Variants in SLC5A4 observed in about 807,000 individuals in gnomAD.
SLC5A4 encodes the protein probable glucose sensor protein SLC5A4.
In SLC5A4, 55 loss-of-function variants were observed where a neutral mutation model predicts 70.3. The observed-to-expected ratio is 0.78, with a 90% CI of 0.63 to 0.98. SLC5A4 has a LOEUF of 0.98. Ranked by LOEUF, SLC5A4 falls within the 50% of genes least tolerant of loss-of-function variation. The probability of loss-of-function intolerance (pLI) is 0.00; values close to 1 mark genes in which losing one functional copy is unlikely to be tolerated. For synonymous variants in SLC5A4, 268 were observed against 305.7 expected, an observed-to-expected ratio of 0.88 and a Z score of 1.29; for missense variants, 735 against 839.2, an observed-to-expected ratio of 0.88 and a Z score of 1.53.
the SLC5A4 span, among the ~76,000 whole-genome samples, chr22:32,274,010 C>CATGTT: frequency 2.0e-5 from 3 of 151,870 alleles, no homozygotes; most frequent in East Asian, 5.8e-4. Flanking sequence ...CAAAACAGTG[C>CATGTT]CACTTTTGGC....
chr22:32,273,067 T>C, the SLC5A4 span: 2 of 515,418 alleles, frequency 3.9e-6, no homozygotes, highest in Middle Eastern at 5.1e-4. Flanking sequence ...GACATCATCC[T>C]GGATGACTTG....
the SLC5A4 span, among the ~76,000 whole-genome samples, chr22:32,282,068 C>G: frequency 6.6e-6 from 1 of 152,156 alleles, no homozygotes; most frequent in South Asian, 2.1e-4. Flanking sequence ...GTCTCAAACT[C>G]CTGACCTCAG....
rs142506993 is a variant in SLC5A4 at position 32,237,311 on chromosome 22, C to G, written c.597G>C (p.Ser199=). ...AVYTTTGGLA[S]VIYTDTLQTI... ...TCTGGAGGGTGTCTGTGTAAATCAC[C>G]GAGGCCAAGCCCCCTAGTGAGAGAA... The change falls in exon 7 of 15, where the codon TCG becomes TCC. Residue 199 remains serine (S), a synonymous_variant. Coordinates refer to ENST00000266086, the MANE Select transcript of SLC5A4 (RefSeq NM_014227.3). 1 of 1,602,018 alleles carries G rather than the reference C, an allele frequency of 6.2e-7. No homozygotes were observed. The highest frequency in any genetic ancestry group is 8.5e-7 in the Non-Finnish European group (1 of 1,174,328).
At chr22:32,252,513 A>G (rs1927231771) in intron 2 of SLC5A4, among the ~76,000 whole-genome samples, 3 of 152,220 alleles carry the variant, frequency 2.0e-5, no homozygotes, top group Admixed American at 2.0e-4. Flanking sequence ...GGTTTTCCAT[A>G]TGGACTTGGG....
At chr22:32,281,814 T>C in the SLC5A4 span, among the ~76,000 whole-genome samples, 1 of 151,662 alleles carries the variant, frequency 6.6e-6, no homozygotes. Context: ...TCAAAAGCAG[T>C]CTTGATCTCT....
chr22:32,307,934 CAT>C, the SLC5A4 span, among the ~76,000 whole-genome samples: 50,284 of 151,910 alleles, frequency 0.33, 8,442 homozygotes, highest in Admixed American at 0.43. Context: ...GGGATTCTTA[CAT>C]GTTTCCAACC....
At chr22:32,271,253 T>C in the SLC5A4 span, 1 of 793,228 alleles carries the variant, frequency 1.3e-6, no homozygotes, top group Non-Finnish European at 2.2e-6. Context: ...CAGCGGGTCC[T>C]CATGGACAGC....
chr22:32,246,775 G>A (rs556370987), intron 5 of SLC5A4, among the ~76,000 whole-genome samples: 2 of 152,182 alleles, frequency 1.3e-5, no homozygotes, highest in East Asian at 3.9e-4. Flanking sequence ...TGATCCACCT[G>A]CCTCAGCCTC....
chr22:32,314,689 A>G, the SLC5A4 span, among the ~76,000 whole-genome samples: 25 of 152,150 alleles, frequency 1.6e-4, no homozygotes, highest in Non-Finnish European at 3.1e-4. Context: ...ATAAAGACAT[A>G]CCCAAGCAAT....
the SLC5A4 span, among the ~76,000 whole-genome samples, chr22:32,338,628 C>G: frequency 6.6e-6 from 1 of 152,292 alleles, no homozygotes; most frequent in East Asian, 1.9e-4. Flanking sequence ...AAGATCACAC[C>G]ACTGCACTCC....
the SLC5A4 span, chr22:32,276,704 A>T: frequency 0.29 from 44,620 of 152,032 alleles, 6,611 homozygotes; most frequent in East Asian, 0.39. Flanking sequence ...CAGGTCATCC[A>T]AAATGGAAGC....
At chr22:32,306,528 C>CTTG in the SLC5A4 span, among the ~76,000 whole-genome samples, 128 of 69,466 alleles carry the variant, frequency 1.8e-3, no homozygotes, top group Non-Finnish European at 3.1e-3. Context: ...CAGTGAAAAA[C>CTTG]TCATTATTGT....
At chr22:32,231,659 C>T (rs1407203080) in intron 9 of SLC5A4, among the ~76,000 whole-genome samples, 2 of 152,188 alleles carry the variant, frequency 1.3e-5, no homozygotes, top group African/African-American at 4.8e-5. Context: ...CACTTCAGCA[C>T]ATTAGCTTCT....
chr22:32,272,936 G>T, the SLC5A4 span: 1 of 534,828 alleles, frequency 1.9e-6, no homozygotes. Context: ...CGGATGCTGC[G>T]TGTGGACCTC....
the SLC5A4 span, among the ~76,000 whole-genome samples, chr22:32,348,017 T>C: frequency 2.0e-5 from 3 of 152,186 alleles, no homozygotes; most frequent in African/African-American, 7.2e-5. Flanking sequence ...CTCTGGACCT[T>C]GTTTTTTGGA....
At chr22:32,319,641 T>TA in the SLC5A4 span, among the ~76,000 whole-genome samples, 1 of 152,200 alleles carries the variant, frequency 6.6e-6, no homozygotes, top group African/African-American at 2.4e-5. Flanking sequence ...CACTGACTAA[T>TA]ACACCATCTG....
the SLC5A4 span, among the ~76,000 whole-genome samples, chr22:32,304,841 A>T: frequency 7.4e-6 from 1 of 134,250 alleles, no homozygotes; most frequent in South Asian, 2.5e-4. Context: ...ATGTTCTAGG[A>T]GTTCTACAGT....
chr22:32,311,239 C>G, the SLC5A4 span, among the ~76,000 whole-genome samples: 1 of 152,228 alleles, frequency 6.6e-6, no homozygotes, highest in Admixed American at 6.5e-5. Context: ...AAAGCCAGCA[C>G]AGTGAGCAGG....
the SLC5A4 span, among the ~76,000 whole-genome samples, chr22:32,335,716 C>A: frequency 6.6e-6 from 1 of 152,206 alleles, no homozygotes; most frequent in Non-Finnish European, 1.5e-5. Context: ...CAGCACCCAG[C>A]GATTCCTGAA....
Sources: allele counts gnomAD v4.1 joint callset (sites outside exome capture counted in the v4.1 genomes callset), GRCh38; gene constraint gnomAD v4.1.1; transcripts MANE v1.5; gene names NCBI Gene and HGNC (gene_info 2026-07-23, HGNC 2026-07-21).